Variants in ASH2L observed in about 807,000 individuals in gnomAD.
ASH2L encodes the protein ASH2 like, histone lysine methyltransferase complex subunit, also known as set1/Ash2 histone methyltransferase complex subunit ASH2.
ASH2L carries 30 observed loss-of-function variants against 81.1 expected under a neutral mutation model. The observed-to-expected ratio is 0.37, with a 90% CI of 0.28 to 0.50. The LOEUF is 0.50. ASH2L is among the 20% of genes least tolerant of loss of function. ASH2L has a pLI of 0.95. For synonymous variants in ASH2L, 273 were observed against 279.9 expected, an observed-to-expected ratio of 0.98 and a Z score of 0.24; for missense variants, 559 against 792.1, an observed-to-expected ratio of 0.71 and a Z score of 3.53.
chr8:38,135,843 T>A, intron 14 of ASH2L, 77 bp downstream of exon 14: 1 of 1,145,012 alleles, frequency 8.7e-7, no homozygotes, highest in Non-Finnish European at 1.3e-6. Context: ...AGTTACTGAG[T>A]GCTGGAACGA....
intron 14 of ASH2L, 49 bp downstream of exon 14, chr8:38,135,815 A>T (rs1802229106): frequency 7.0e-7 from 1 of 1,430,164 alleles, no homozygotes; most frequent in South Asian, 1.2e-5. Flanking sequence ...GAAGCAGATG[A>T]ATGGGTTGTG....
Position 38,133,443 on chromosome 8 carries a change from T to C in ASH2L, c.1528-11T>C, listed in dbSNP as rs748814969. ...CTTTATTGTGCCTTTTTTTCTTTCT[T>C]GGTTTTCAAGGCTTTGATAAAATTC... On this transcript the variant is annotated splice_polypyrimidine_tract_variant and intron_variant, in intron 12 of 15. Coordinates refer to ENST00000343823, the MANE Select transcript of ASH2L (RefSeq NM_004674.5). 3 of 1,591,932 alleles carry C rather than the reference T, an allele frequency of 1.9e-6. No individual in the cohort carries two copies. In the East Asian group the frequency reaches 6.7e-5, roughly 36 times the overall value.
chr8:38,107,665 TG>T (rs1810499888), intron 3 of ASH2L, among the ~76,000 whole-genome samples: 1 of 152,124 alleles, frequency 6.6e-6, no homozygotes. Flanking sequence ...CCTCTTCTAG[TG>T]AATTAAAATC....
intron 15 of ASH2L, 38 bp from the exon 16 acceptor site, chr8:38,138,926 C>G: frequency 6.2e-7 from 1 of 1,613,546 alleles, no homozygotes; most frequent in Non-Finnish European, 8.5e-7. Context: ...TCCGTGGCTG[C>G]TGTAGTCACC....
At chr8:38,130,602 AT>A (rs988586181) in intron 12 of ASH2L, among the ~76,000 whole-genome samples, 164 of 145,536 alleles carry the variant, frequency 1.1e-3, no homozygotes, top group Non-Finnish European at 2.1e-3. Context: ...CCTTGGATTA[AT>A]TTTTTTTTTT....
At chr8:38,124,865 T>A (rs1801770715) in intron 10 of ASH2L, among the ~76,000 whole-genome samples, 1 of 152,170 alleles carries the variant, frequency 6.6e-6, no homozygotes, top group African/African-American at 2.4e-5. Flanking sequence ...GAGGTTTATT[T>A]GGCTAAAAGA....
rs1810434988 is a variant in ASH2L, at chr8:38,106,399, A to G, written c.210A>G (p.Val70=). The change falls in exon 2 of 16, where the codon GTA becomes GTG. Residue 70 remains valine, a synonymous_variant. Coordinates refer to ENST00000343823, the MANE Select transcript of ASH2L (RefSeq NM_004674.5). ...AEGGEANLVD[V]SGGLETESSN... is the part of the protein sequence containing the mutation. The stretch of plus-strand genomic sequence containing the variant: ...ATAGGGAGGCAAACTTGGTCGATGT[A>G]AGCGGTGGCTTGGAGACAGAATCAT... The G allele has an allele frequency of 1.2e-6, 2 of 1,614,172 alleles. No homozygotes were observed. The highest frequency in any genetic ancestry group is 1.7e-6 in the Non-Finnish European group (2 of 1,180,016).
Position 38,105,697 on chromosome 8 carries a change from TGCTCCGACA to T in ASH2L, c.149_157del (p.Ala50_Thr52del). On this transcript the variant is annotated inframe_deletion, in exon 1 of 16. Coordinates refer to ENST00000343823, the MANE Select transcript of ASH2L (RefSeq NM_004674.5). ...CTCCTCCTGGAGAGGGGATCTCTGC[TGCTCCGACA>T]GTTGAGCCCAGTTCCGGGGAGGCTG... The T allele has an allele frequency of 6.4e-7, 1 of 1,564,754 alleles. No homozygotes were observed. Among genetic ancestry groups the T allele is most frequent in the Non-Finnish European group, 8.6e-7 (1 of 1,157,448 alleles).
intron 11 of ASH2L, 131 bp from the exon 12 acceptor site, chr8:38,128,627 T>G: frequency 6.8e-7 from 1 of 1,478,340 alleles, no homozygotes; most frequent in Non-Finnish European, 9.0e-7. Flanking sequence ...ATTCTTTGCT[T>G]GTGAGAAAGT....
rs113520084 is a variant in ASH2L at position 38,126,497 on chromosome 8, C to T, written c.1166-1794C>T. On this transcript the variant is annotated intron_variant, in intron 10 of 15. Transcript: ENST00000343823. Reference sequence around the variant, plus strand: ...TTTGATGATTATGTTAATGATTATACATGATGTGAACATTTGGGAAAACTG... The same window carrying T: ...TTTGATGATTATGTTAATGATTATATATGATGTGAACATTTGGGAAAACTG... 2.2e-3 allele frequency among the ~76,000 whole-genome samples: 336 copies of T among 152,238 alleles called. 1 individual carries two copies. Among genetic ancestry groups the T allele is most frequent in the African/African-American group, 7.1e-3 (297 of 41,564 alleles).
chr8:38,122,820 T>G (rs1801689840), intron 10 of ASH2L, among the ~76,000 whole-genome samples: 1 of 152,226 alleles, frequency 6.6e-6, no homozygotes, highest in African/African-American at 2.4e-5. Flanking sequence ...CCTGGCTCAC[T>G]GCAGCCTCAA....
At chr8:38,119,916 T>G (rs1811067260) in intron 9 of ASH2L, among the ~76,000 whole-genome samples, 1 of 151,970 alleles carries the variant, frequency 6.6e-6, no homozygotes, top group South Asian at 2.1e-4. Flanking sequence ...GTCAGGAGTT[T>G]GAGACCATCC....
At chr8:38,137,951 C>T (rs1802331674) in intron 14 of ASH2L, 1 of 152,114 alleles carries the variant, frequency 6.6e-6, no homozygotes, top group African/African-American at 2.4e-5. Flanking sequence ...CTGTGCCTTT[C>T]TCCAAGGATG....
chr8:38,107,969 C>G (rs1810522768), intron 3 of ASH2L, among the ~76,000 whole-genome samples: 1 of 151,232 alleles, frequency 6.6e-6, no homozygotes, highest in Non-Finnish European at 1.5e-5. Context: ...GGGTCTCGCT[C>G]TGCTGCCCAG....
intron 4 of ASH2L, 62 bp downstream of exon 4, chr8:38,110,529 G>A: frequency 6.7e-7 from 1 of 1,499,558 alleles, no homozygotes; most frequent in Non-Finnish European, 9.3e-7. Context: ...AGGGATCTGG[G>A]CGTAGCAGAA....
At chr8:38,131,713 C>G (rs1401838230) in intron 12 of ASH2L, among the ~76,000 whole-genome samples, 2 of 152,050 alleles carry the variant, frequency 1.3e-5, no homozygotes, top group African/African-American at 2.4e-5. Flanking sequence ...TGGATCTATT[C>G]AAAAGCCGCA....
Position 38,134,602 on chromosome 8 carries a change from A to G in ASH2L, c.1620+1056A>G, listed in dbSNP as rs976396445. ...GGCTGGCACATCTGGGCCAGCCACAAGCACCAAAAATAAAAAGGGAAGTGG... is the reference window on the plus strand; with the variant it reads ...GGCTGGCACATCTGGGCCAGCCACAGGCACCAAAAATAAAAAGGGAAGTGG... On this transcript the variant is annotated intron_variant, in intron 13 of 15. Coordinates refer to ENST00000343823, the MANE Select transcript of ASH2L (RefSeq NM_004674.5). Among the ~76,000 whole-genome samples the G allele has an allele frequency of 2.6e-5, 4 of 152,312 alleles. No individual in the cohort carries two copies. The South Asian group carries it at 6.2e-4, about 24-fold the overall frequency.
chr8:38,129,489 T>C (rs1477182702), intron 12 of ASH2L, among the ~76,000 whole-genome samples: 1 of 152,132 alleles, frequency 6.6e-6, no homozygotes, highest in African/African-American at 2.4e-5. Flanking sequence ...AAAGTGCCGA[T>C]AGTCCCAGCT....
intron 10 of ASH2L, 58 bp downstream of exon 10, chr8:38,121,207 G>A: frequency 1.3e-6 from 2 of 1,483,074 alleles, no homozygotes; most frequent in South Asian, 2.3e-5. Flanking sequence ...GCCATCATTA[G>A]CCTTGTCAGT....
Sources: gnomAD v4.1 joint callset for allele counts (sites outside exome capture counted in the v4.1 genomes callset) on GRCh38, gnomAD v4.1.1 for gene constraint, MANE v1.5 for transcripts, NCBI Gene and HGNC (gene_info 2026-07-23, HGNC 2026-07-21) for gene names.